Variants in PAF1 observed in about 807,000 individuals in gnomAD.
PAF1 encodes the protein RNA polymerase II-associated factor 1 homolog.
Under a neutral mutation model 68.4 loss-of-function variants are expected in PAF1, and 31 were observed. The ratio of observed to expected loss-of-function variants is 0.45; its 90% CI spans 0.34 to 0.61. PAF1 has a LOEUF of 0.61. Ranked by LOEUF, PAF1 falls within the 20% of genes least tolerant of loss-of-function variation. PAF1 has a pLI of 0.01. For synonymous variants in PAF1, 256 were observed against 240.5 expected, an observed-to-expected ratio of 1.06 and a Z score of -0.60; for missense variants, 435 against 692.9, an observed-to-expected ratio of 0.63 and a Z score of 4.18.
rs145586627 is a variant in PAF1, at chr19:39,390,279, G to C, written c.58C>G (p.His20Asp). ...QREDGHRPNS[H>D]RTLPERSGVV... ...GCTCACCTCTCAGGCAGAGTCCGGT[G>C]GGAATTGGGCCTAGTGGAGAAGAAA... Residue 20 changes from histidine (H) to aspartate (D), a missense_variant, in exon 2 of 14, where the codon CAC becomes GAC. Physicochemically the swap from His to Asp is moderately conservative, Grantham distance 81. Coordinates refer to ENST00000221265, the MANE Select transcript of PAF1 (RefSeq NM_019088.4). 2.3e-4 allele frequency: 367 copies of C among 1,612,982 alleles called. No individual in the cohort carries two copies. Among genetic ancestry groups the C allele is most frequent in the Non-Finnish European group, 3.0e-4 (351 of 1,179,480 alleles).
chr19:39,386,308 C>T lies in PAF1; in HGVS notation c.1279G>A (p.Glu427Lys), dbSNP rs755468832. Reference protein sequence around the residue: ...ESEREEGDRDEASDKSGSGED... With the variant: ...ESEREEGDRDKASDKSGSGED... ...CCACTGCCACTCTTGTCACTGGCCT[C>T]GTCCCTGTCACCTTCCTCCCGTTCA... is the stretch of plus-strand genomic sequence containing the variant. Residue 427 changes from glutamate (E) to lysine (K), a missense_variant, in exon 14 of 14, where the codon GAG becomes AAG. By Grantham distance (56) the Glu-to-Lys change is moderately conservative. This residue lies in a region of PAF1 where 78 missense variants were observed against 80.6 expected (regional missense o/e 0.97). Transcript: ENST00000221265. This position sits in a 1 kb window ranked among gnomAD's most constrained non-coding sequence, Gnocchi z 6.1. 19 of 1,614,042 alleles carry T rather than the reference C, an allele frequency of 1.2e-5. No homozygotes were observed. Among genetic ancestry groups the T allele is most frequent in the East Asian group, 2.2e-5 (1 of 44,896 alleles).
chr19:39,389,501 T>C lies in PAF1; in HGVS notation c.338A>G (p.Gln113Arg), dbSNP rs1568374855. 8 of 1,614,178 alleles carry C rather than the reference T, an allele frequency of 5.0e-6. No individual in the cohort carries two copies. The highest frequency in any genetic ancestry group is 6.8e-6 in the Non-Finnish European group (8 of 1,180,020). ...ADEKLLEEEI[Q>R]APTSSKRSQQ... ...TCACCTCTTGGAGCTGGTGGGGGCC[T>C]GAATCTCCTCTTCCAAAAGTTTCTC... Residue 113 changes from glutamine (Q) to arginine (R), a missense_variant, in exon 5 of 14, where the codon CAG becomes CGG. This residue lies in a region of PAF1 where 77 missense variants were observed against 118.2 expected (regional missense o/e 0.65). Coordinates refer to ENST00000221265, the MANE Select transcript of PAF1 (RefSeq NM_019088.4). This position sits in a 1 kb window ranked among gnomAD's most constrained non-coding sequence, Gnocchi z 5.3.
chr19:39,388,927 C>T lies in PAF1; in HGVS notation c.636+20G>A, dbSNP rs748283748. On this transcript the variant is annotated intron_variant, in intron 8 of 13. Transcript: ENST00000221265. ...GGCACAAATAGGCTGTCCCTTTCTA[C>T]CTCCCACCTTGGGCCTGACCTTAAA... 6.2e-7 allele frequency: 1 copy of T among 1,613,472 alleles called. No individual in the cohort carries two copies. Among genetic ancestry groups the T allele is most frequent in the Non-Finnish European group, 8.5e-7 (1 of 1,179,398 alleles).
In PAF1 at chr19:39,391,092, TG is replaced by T; in HGVS notation, c.-229del. ...GACTCGAAGCTCCGGTTCCACCAAC[TG>T]CCGCCAAGACGCTGAGGACCCAACG... On this transcript the variant is annotated 5_prime_UTR_variant, in exon 1 of 14. Coordinates refer to ENST00000221265, the MANE Select transcript of PAF1 (RefSeq NM_019088.4). The T allele has an allele frequency of 6.3e-6, 4 of 630,128 alleles. No individual in the cohort carries two copies. The highest frequency in any genetic ancestry group is 1.1e-5 in the Non-Finnish European group (4 of 365,926). The allele number at this position is 630,128 out of a possible 1,614,324, so 39.0% of individuals were successfully genotyped here.
At chr19:39,387,818 C>T (rs767576977) in intron 11 of PAF1, among the ~76,000 whole-genome samples, 8 of 152,342 alleles carry the variant, frequency 5.3e-5, no homozygotes, top group East Asian at 1.9e-4. Context: ...CTCTGCCTTG[C>T]GCAAAGGCTC....
Position 39,390,915 on chromosome 19 carries a change from G to T in PAF1, c.-51C>A. ...CGGGGTCCTAGCGGGACCGAAGGGG[G>T]ACGCAGAGGGGCGTGCCGACTTCAG... is the stretch of plus-strand genomic sequence containing the variant. On this transcript the variant is annotated 5_prime_UTR_variant, in exon 1 of 14. Coordinates refer to ENST00000221265, the MANE Select transcript of PAF1 (RefSeq NM_019088.4). 1 of 1,534,952 alleles carries T rather than the reference G, an allele frequency of 6.5e-7. No individual in the cohort carries two copies. Among genetic ancestry groups the T allele is most frequent in the East Asian group, 2.4e-5 (1 of 41,360 alleles).
rs375441150 is a variant in PAF1, at chr19:39,390,397, T to G, written c.48-108A>C. ...AGGTAGGAGGGGTGACAAATGCTGG[T>G]TTCTTTGGGTGGTGGTGTGGGGAGT... On this transcript the variant is annotated intron_variant, in intron 1 of 13. Coordinates refer to ENST00000221265, the MANE Select transcript of PAF1 (RefSeq NM_019088.4). 2.4e-4 allele frequency: 252 copies of G among 1,031,196 alleles called. 1 individual carries two copies. The Middle Eastern group carries it at 3.6e-3, about 15-fold the overall frequency. 63.9% of individuals were successfully genotyped at this position (1,031,196 alleles called of 1,614,324 possible).
rs1167723896 is a variant in PAF1, at chr19:39,389,019, G to A, written c.568-4C>T. 1 of 1,613,964 alleles carries A rather than the reference G, an allele frequency of 6.2e-7. No individual in the cohort carries two copies. The highest frequency in any genetic ancestry group is 1.3e-5 in the African/African-American group (1 of 74,912). ...GTTTGCTGTAATGCTGTGAGATCTG[G>A]TGGAACAAAAACAAGGTGAGGAGGA... On this transcript the variant is annotated splice_region_variant and splice_polypyrimidine_tract_variant and intron_variant, in intron 7 of 13. Transcript: ENST00000221265. This position sits in a 1 kb window ranked among gnomAD's most constrained non-coding sequence, Gnocchi z 5.3.
At position 39,390,147 on chromosome 19, in the gene PAF1, C is replaced by T; in HGVS notation, c.92G>A (p.Cys31Tyr). Residue 31 changes from cysteine (C) to tyrosine (Y), a missense_variant, in exon 3 of 14, where the codon TGC becomes TAC. Around this residue, in one of 7 missense-constraint regions of PAF1, gnomAD observed 77 missense variants for 118.2 expected, o/e 0.65. Transcript: ENST00000221265. ...RTLPERSGVV[C>Y]RVKYCNSLPD... Reference sequence around the variant, plus strand: ...GAGGCTATTGCAGTACTTGACTCGGCAGACCACTCCAGACCTAGGAACATT... The same window carrying T: ...GAGGCTATTGCAGTACTTGACTCGGTAGACCACTCCAGACCTAGGAACATT... 6.2e-7 allele frequency: 1 copy of T among 1,613,960 alleles called. No homozygotes were observed.
chr19:39,388,236 T>G (rs2078296056), intron 11 of PAF1, 103 bp downstream of exon 11: 1 of 1,136,352 alleles, frequency 8.8e-7, no homozygotes, highest in South Asian at 1.4e-5. Flanking sequence ...CCAATGCATA[T>G]GACAAATTCT....
rs1473207837 is a variant in PAF1, at chr19:39,389,576, T to C, written c.293-30A>G. 6.2e-7 allele frequency: 1 copy of C among 1,614,050 alleles called. No homozygotes were observed. The highest frequency in any genetic ancestry group is 2.2e-5 in the East Asian group (1 of 44,860). Reference sequence around the variant, plus strand: ...AGGAGAGCGGGGGGCAGGAGGACCATGAGGGAGGCCCAGGCCTGAGCCTTT... The same window carrying C: ...AGGAGAGCGGGGGGCAGGAGGACCACGAGGGAGGCCCAGGCCTGAGCCTTT... On this transcript the variant is annotated intron_variant, in intron 4 of 13. Coordinates refer to ENST00000221265, the MANE Select transcript of PAF1 (RefSeq NM_019088.4). This position sits in a 1 kb window ranked among gnomAD's most constrained non-coding sequence, Gnocchi z 5.3.
In PAF1 at chr19:39,390,304, A is replaced by G. The variant is rs1368681626; in HGVS notation, c.48-15T>C. 1.2e-6 allele frequency: 2 copies of G among 1,607,678 alleles called. No individual in the cohort carries two copies. The highest frequency in any genetic ancestry group is 2.2e-5 in the East Asian group (1 of 44,700). On this transcript the variant is annotated splice_polypyrimidine_tract_variant and intron_variant, in intron 1 of 13. Transcript: ENST00000221265. ...GGGAATTGGGCCTAGTGGAGAAGAA[A>G]GAAACAGTGATAGGTGGAGAGGACG...
Position 39,388,572 on chromosome 19 carries a change from G to A in PAF1, c.845C>T (p.Ala282Val), listed in dbSNP as rs374645553. 107 of 1,613,824 alleles carry A rather than the reference G, an allele frequency of 6.6e-5. No homozygotes were observed. The highest frequency in any genetic ancestry group is 8.3e-5 in the Non-Finnish European group (98 of 1,179,850). ...KRDQEEEMDYAPDDVYDYKIA... is the reference protein window; with the variant it reads ...KRDQEEEMDYVPDDVYDYKIA... Reference sequence around the variant, plus strand: ...GCAACCCACGCACACATCATCTGGTGCATAGTCCATCTCCTCCTCCTGGTC... The same window carrying A: ...GCAACCCACGCACACATCATCTGGTACATAGTCCATCTCCTCCTCCTGGTC... Residue 282 changes from alanine to valine, a missense_variant, in exon 10 of 14, where the codon GCA (alanine) becomes GTA (valine). Coordinates refer to ENST00000221265, the MANE Select transcript of PAF1 (RefSeq NM_019088.4).
chr19:39,386,850 C>T lies in PAF1; in HGVS notation c.987-51G>A, dbSNP rs374809833. On this transcript the variant is annotated intron_variant, in intron 11 of 13. Coordinates refer to ENST00000221265, the MANE Select transcript of PAF1 (RefSeq NM_019088.4). This position sits in a 1 kb window ranked among gnomAD's most constrained non-coding sequence, Gnocchi z 6.1. Reference sequence around the variant, plus strand: ...GAAGTGGAAGATGCAGTTAAAGACACACCTCCCACTTCCCCGCCCCCCAGT... The same window carrying T: ...GAAGTGGAAGATGCAGTTAAAGACATACCTCCCACTTCCCCGCCCCCCAGT... 1.2e-5 allele frequency: 15 copies of T among 1,252,896 alleles called. No homozygotes were observed. The highest frequency in any genetic ancestry group is 2.9e-5 in the African/African-American group (2 of 68,152). 77.6% of individuals were successfully genotyped at this position (1,252,896 alleles called of 1,614,324 possible).
At position 39,388,333 on chromosome 19, in the gene PAF1, G is replaced by A. The variant is rs2078299109; in HGVS notation, c.986+6C>T. ...CAGGCTAATCAGATAGGAGTGTGCT[G>A]AGTACCTGGTTTCCAACTCATTGTA... On this transcript the variant is annotated splice_donor_region_variant and intron_variant, in intron 11 of 13. Transcript: ENST00000221265. The A allele has an allele frequency of 2.5e-6, 4 of 1,613,920 alleles. No individual in the cohort carries two copies. Among genetic ancestry groups the A allele is most frequent in the Non-Finnish European group, 2.5e-6 (3 of 1,179,950 alleles).
In PAF1 at chr19:39,388,401, C is replaced by T. The variant is rs2078300415; in HGVS notation, c.924G>A (p.Glu308=). 1 of 1,614,028 alleles carries T rather than the reference C, an allele frequency of 6.2e-7. No homozygotes were observed. Among genetic ancestry groups the T allele is most frequent in the Non-Finnish European group, 8.5e-7 (1 of 1,179,922 alleles). The change falls in exon 11 of 14, where the codon GAG becomes GAA. Residue 308 remains glutamate, a synonymous_variant. Coordinates refer to ENST00000221265, the MANE Select transcript of PAF1 (RefSeq NM_019088.4). Reference sequence around the variant, plus strand: ...CTCGGAAGATGAAGAAGTAGTTTTCCTCATAGCCCTTGCTAGCTTTGTTCT... The same window carrying T: ...CTCGGAAGATGAAGAAGTAGTTTTCTTCATAGCCCTTGCTAGCTTTGTTCT... ...NVKNKASKGY[E]ENYFFIFREG...
chr19:39,386,501 C>G lies in PAF1; in HGVS notation c.1164G>C (p.Glu388Asp). 6.2e-7 allele frequency: 1 copy of G among 1,614,168 alleles called. No individual in the cohort carries two copies. The highest frequency in any genetic ancestry group is 8.5e-7 in the Non-Finnish European group (1 of 1,180,018). The change falls in exon 13 of 14, where the codon GAG (glutamate) becomes GAC (aspartate). Residue 388 changes from glutamate (E) to aspartate (D), a missense_variant. Glu to Asp is a conservative substitution (Grantham distance 45). Transcript: ENST00000221265. The surrounding 1 kb of genome is among the most constrained non-coding windows in gnomAD (Gnocchi z 6.1). ...ATTTACCTGAGCCCCCAGCTTCTTT[C>G]TCTTCTGTCTCCATCTCCTCTTCCT... is the stretch of plus-strand genomic sequence containing the variant. ...EEEEEEMETE[E>D]KEAGGSDEEQ...
In PAF1 at chr19:39,389,196, A is replaced by G; in HGVS notation, c.464T>C (p.Ile155Thr). 6.2e-7 allele frequency: 1 copy of G among 1,613,772 alleles called. No individual in the cohort carries two copies. Among genetic ancestry groups the G allele is most frequent in the Non-Finnish European group, 8.5e-7 (1 of 1,179,744 alleles). Residue 155 changes from isoleucine (I) to threonine (T), a missense_variant and splice_region_variant, in exon 7 of 14, where the codon ATT becomes ACT. By Grantham distance (89) the Ile-to-Thr change is moderately conservative. Around this residue, in one of 7 missense-constraint regions of PAF1, gnomAD observed 151 missense variants for 306.3 expected, o/e 0.49. Coordinates refer to ENST00000221265, the MANE Select transcript of PAF1 (RefSeq NM_019088.4). The surrounding 1 kb of genome is among the most constrained non-coding windows in gnomAD (Gnocchi z 5.3). ...GISNEKPEVK[I>T]GVSVKQQFTE... ...AAACTGCTGCTTCACAGAAACCCCAATCCTAGGAATGAAGAAAAAGGTCCT... is the reference window on the plus strand; with the variant it reads ...AAACTGCTGCTTCACAGAAACCCCAGTCCTAGGAATGAAGAAAAAGGTCCT...
Position 39,386,066 on chromosome 19 carries a change from G to A in PAF1, c.1521C>T (p.Ser507=), listed in dbSNP as rs150662781. ...TGCCATCCTCCTGGGCCGAGTGCTCGCTGCCACTGGGGAAGGGACTGGCGC... is the reference window on the plus strand; with the variant it reads ...TGCCATCCTCCTGGGCCGAGTGCTCACTGCCACTGGGGAAGGGACTGGCGC... ...SRSASPFPSG[S]EHSAQEDGSE... Residue 507 remains serine (S), a synonymous_variant, in exon 14 of 14, where the codon AGC becomes AGT. Transcript: ENST00000221265. This position sits in a 1 kb window ranked among gnomAD's most constrained non-coding sequence, Gnocchi z 6.1. 3.6e-4 allele frequency: 586 copies of A among 1,613,808 alleles called. 7 individuals are homozygous for A. In the South Asian group the frequency reaches 5.0e-3, roughly 14 times the overall value.
Sources: allele counts gnomAD v4.1 joint callset (sites outside exome capture counted in the v4.1 genomes callset), GRCh38; gene constraint gnomAD v4.1.1; regional missense constraint gnomAD v4.1.1; non-coding constraint Gnocchi (gnomAD v3.1); transcripts MANE v1.5; gene names NCBI Gene and HGNC (gene_info 2026-07-23, HGNC 2026-07-21).